Variants in VPS8 observed in about 807,000 individuals in gnomAD.
The protein encoded by VPS8 is vacuolar protein sorting-associated protein 8 homolog.
In VPS8, 129 loss-of-function variants were observed where a neutral mutation model predicts 216.4. The ratio of observed to expected loss-of-function variants is 0.60; its 90% confidence interval spans 0.52 to 0.69. The LOEUF is 0.69. Ranked by LOEUF, VPS8 falls within the 30% of genes least tolerant of loss-of-function variation. The probability of loss-of-function intolerance (pLI) is 0.00; values close to 1 mark genes in which losing one functional copy is unlikely to be tolerated. For synonymous variants in VPS8, 571 were observed against 565.4 expected (o/e 1.01, Z -0.14); for missense variants, 1,531 against 1,683.5 (o/e 0.91, Z 1.59).
intron 34 of VPS8, among the ~76,000 whole-genome samples, chr3:184,934,181 T>C (rs192216901): frequency 6.6e-6 from 1 of 152,204 alleles, no homozygotes; most frequent in Non-Finnish European, 1.5e-5. Flanking sequence ...GTTTTGTTTT[T>C]TTTGAGACAG....
chr3:184,877,234 C>G (rs1729428466), intron 21 of VPS8, among the ~76,000 whole-genome samples: 1 of 152,180 alleles, frequency 6.6e-6, no homozygotes, highest in South Asian at 2.1e-4. Flanking sequence ...TTCTAAAATA[C>G]TATGCACTGA....
chr3:184,939,944 T>C (rs1484441495), intron 35 of VPS8, among the ~76,000 whole-genome samples: 2 of 151,950 alleles, frequency 1.3e-5, no homozygotes, highest in African/African-American at 2.4e-5. Context: ...TCAGTAGAGG[T>C]CTGTTTTGGG....
At chr3:185,013,074 C>T (rs1019730227) in intron 45 of VPS8, among the ~76,000 whole-genome samples, 2 of 152,196 alleles carry the variant, frequency 1.3e-5, no homozygotes, top group South Asian at 4.1e-4. Flanking sequence ...CCTTAAGACA[C>T]AGATCACTCA....
chr3:184,860,193 C>T (rs1726012236), intron 15 of VPS8, 128 bp downstream of exon 15: 1 of 825,122 alleles, frequency 1.2e-6, no homozygotes. Context: ...TATGGACAGT[C>T]CGGCACCGAG....
At chr3:184,819,548 T>C (rs1333926078) in intron 1 of VPS8, among the ~76,000 whole-genome samples, 1 of 152,180 alleles carries the variant, frequency 6.6e-6, no homozygotes, top group Non-Finnish European at 1.5e-5. Context: ...TTAAGCATCA[T>C]ATAGTAAGCA....
rs956358986 is a variant in VPS8, at chr3:184,936,800, T to C, written c.2988+465T>C. On this transcript the variant is annotated intron_variant, in intron 35 of 47. Coordinates refer to ENST00000625842, the MANE Select transcript of VPS8 (RefSeq NM_001009921.3). ...TCACCCAGGCTGGAGTGCAGTGGTG[T>C]GATCTCCACTCATTGCGAGCTCCGC... Among the ~76,000 whole-genome samples, 5 of 151,680 alleles carry C rather than the reference T, an allele frequency of 3.3e-5. 1 individual carries two copies. The South Asian group carries it at 8.4e-4, about 25-fold the overall frequency.
At chr3:184,895,415 G>A (rs1267911386) in intron 23 of VPS8, among the ~76,000 whole-genome samples, 6 of 151,856 alleles carry the variant, frequency 4.0e-5, no homozygotes, top group African/African-American at 1.5e-4. Context: ...TAACAGGCAA[G>A]TTATAGAACT....
At chr3:184,819,650 A>G (rs1440674872) in intron 1 of VPS8, among the ~76,000 whole-genome samples, 1 of 152,220 alleles carries the variant, frequency 6.6e-6, no homozygotes, top group Non-Finnish European at 1.5e-5. Flanking sequence ...ATATTTCAGA[A>G]TGTTGGATAT....
intron 40 of VPS8, among the ~76,000 whole-genome samples, chr3:184,973,552 G>A (rs557874709): frequency 1.3e-5 from 2 of 152,130 alleles, no homozygotes; most frequent in African/African-American, 2.4e-5. Context: ...TCTTTGTGTT[G>A]GGAATATTTT....
chr3:185,010,510 G>C (rs941285222), intron 45 of VPS8, among the ~76,000 whole-genome samples: 11 of 152,072 alleles, frequency 7.2e-5, no homozygotes, highest in Non-Finnish European at 7.4e-5. Flanking sequence ...GAAGCTAGAA[G>C]AACAATTGAA....
At chr3:184,883,547 G>A (rs1730640449) in intron 21 of VPS8, among the ~76,000 whole-genome samples, 1 of 152,018 alleles carries the variant, frequency 6.6e-6, no homozygotes, top group Admixed American at 6.6e-5. Flanking sequence ...TGATCAATCT[G>A]TCACCAAACC....
rs114726728 is a variant in VPS8, at chr3:184,923,921, G to A, written c.2455-941G>A. Reference sequence around the variant, plus strand: ...ACCAGTTGAATTAAAATTTTCCACCGTGCTTCTGTAATCATTTGTGCCCTT... The same window carrying A: ...ACCAGTTGAATTAAAATTTTCCACCATGCTTCTGTAATCATTTGTGCCCTT... On this transcript the variant is annotated intron_variant, in intron 29 of 47. Transcript: ENST00000625842. Among the ~76,000 whole-genome samples, 671 of 152,048 alleles carry A rather than the reference G, an allele frequency of 4.4e-3. 5 individuals are homozygous for A. Among genetic ancestry groups the A allele is most frequent in the African/African-American group, 0.015 (640 of 41,428 alleles).
intron 23 of VPS8, among the ~76,000 whole-genome samples, chr3:184,895,407 A>G (rs1733196646): frequency 6.6e-6 from 1 of 151,926 alleles, no homozygotes; most frequent in African/African-American, 2.4e-5. Context: ...ATGGTATATA[A>G]CAGGCAAGTT....
chr3:184,873,634 C>T (rs950213906), intron 21 of VPS8, among the ~76,000 whole-genome samples: 21 of 152,138 alleles, frequency 1.4e-4, no homozygotes, highest in African/African-American at 4.6e-4. Context: ...TCCAGACTGC[C>T]ACACTATACC....
chr3:184,965,015 G>C (rs1451262506), intron 38 of VPS8, among the ~76,000 whole-genome samples: 2 of 152,160 alleles, frequency 1.3e-5, no homozygotes, highest in Admixed American at 1.3e-4. Flanking sequence ...TTGCCCTACT[G>C]TTTTCCATAG....
intron 9 of VPS8, 183 bp downstream of exon 9, chr3:184,849,378 A>G: frequency 1.6e-6 from 1 of 615,464 alleles, no homozygotes; most frequent in Non-Finnish European, 2.5e-6. Context: ...TTATCGACTG[A>G]CCCAGAGTCT....
chr3:184,880,278 C>T (rs1336554099), intron 21 of VPS8, among the ~76,000 whole-genome samples: 2 of 152,074 alleles, frequency 1.3e-5, no homozygotes, highest in Admixed American at 1.3e-4. Context: ...ACATGGATCC[C>T]TCATTTTACC....
chr3:184,867,067 C>A, intron 17 of VPS8, 117 bp downstream of exon 17: 1 of 884,830 alleles, frequency 1.1e-6, no homozygotes, highest in Non-Finnish European at 1.7e-6. Context: ...AGCAATTATC[C>A]TAAACCCTTT....
intron 45 of VPS8, among the ~76,000 whole-genome samples, chr3:185,018,819 A>G (rs1756211735): frequency 6.6e-6 from 1 of 152,198 alleles, no homozygotes. Flanking sequence ...CTTCTCTTCT[A>G]GCTTGCTGAA....
Sources: allele counts gnomAD v4.1 joint callset (sites outside exome capture counted in the v4.1 genomes callset), GRCh38; gene constraint gnomAD v4.1.1; transcripts MANE v1.5; gene names NCBI Gene and HGNC (gene_info 2026-07-23, HGNC 2026-07-21).